SDK1: variants seen among roughly 807,000 people sequenced by gnomAD.
SDK1 encodes the protein sidekick cell adhesion molecule 1, also known as protein sidekick-1.
Under a neutral mutation model 245.5 loss-of-function variants are expected in SDK1, and 157 were observed. That is an observed-to-expected ratio of 0.64 (90% confidence interval 0.56 to 0.73). The LOEUF is 0.73. SDK1 is among the 30% of genes least tolerant of loss of function. The pLI is 0.00. For missense variants in SDK1, 3,583 were observed against 3,002.3 expected, an observed-to-expected ratio of 1.19 and a Z score of -4.52; for synonymous variants, 1,647 against 1,278.5, an observed-to-expected ratio of 1.29 and a Z score of -6.15.
At chr7:3,343,684 A>G (rs1395791453) in intron 1 of SDK1, among the ~76,000 whole-genome samples, 2 of 151,928 alleles carry the variant, frequency 1.3e-5, no homozygotes, top group African/African-American at 4.8e-5. Context: ...AGTATTTCTT[A>G]CAACTGCTTG....
chr7:3,499,648 C>T (rs548108120), intron 1 of SDK1, among the ~76,000 whole-genome samples: 1 of 152,060 alleles, frequency 6.6e-6, no homozygotes, highest in African/African-American at 2.4e-5. Flanking sequence ...ACTTGTATAC[C>T]CATCGCTGTG....
chr7:3,459,883 G>C (rs1780781552), intron 1 of SDK1, among the ~76,000 whole-genome samples: 1 of 152,158 alleles, frequency 6.6e-6, no homozygotes, highest in East Asian at 1.9e-4. Context: ...GGTAAGAGAA[G>C]GTATCTCTCG....
intron 16 of SDK1, among the ~76,000 whole-genome samples, chr7:4,014,729 A>AT (rs1302574387): frequency 6.6e-6 from 1 of 152,170 alleles, no homozygotes. Context: ...TCTCCTGTTT[A>AT]TTTTTGTATA....
intron 20 of SDK1, among the ~76,000 whole-genome samples, chr7:4,071,727 G>T (rs75567276): frequency 0.026 from 3,885 of 152,292 alleles, 81 homozygotes; most frequent in Admixed American, 0.053. Flanking sequence ...GACCCTTCAG[G>T]GACCAGTTCA....
At chr7:3,429,714 A>C (rs1320991756) in intron 1 of SDK1, among the ~76,000 whole-genome samples, 1 of 150,258 alleles carries the variant, frequency 6.7e-6, no homozygotes, top group African/African-American at 2.5e-5. Context: ...CTCCCGCCTC[A>C]GCCTCCTGAG....
chr7:3,534,027 T>C (rs1323837266), intron 1 of SDK1, among the ~76,000 whole-genome samples: 1 of 152,232 alleles, frequency 6.6e-6, no homozygotes, highest in Non-Finnish European at 1.5e-5. Flanking sequence ...TATTGCTTTA[T>C]TGGAACTTTT....
At chr7:3,488,650 C>T (rs1781775731) in intron 1 of SDK1, among the ~76,000 whole-genome samples, 1 of 152,066 alleles carries the variant, frequency 6.6e-6, no homozygotes, top group Non-Finnish European at 1.5e-5. Context: ...AATGAAAAAC[C>T]AACTGAAAAT....
chr7:3,458,051 G>A (rs1780723390), intron 1 of SDK1, among the ~76,000 whole-genome samples: 1 of 152,134 alleles, frequency 6.6e-6, no homozygotes, highest in Admixed American at 6.5e-5. Context: ...CTTGACAATG[G>A]AAGTGACACT....
chr7:3,352,210 A>G (rs1012652195), intron 1 of SDK1, among the ~76,000 whole-genome samples: 1 of 150,908 alleles, frequency 6.6e-6, no homozygotes, highest in Non-Finnish European at 1.5e-5. Flanking sequence ...CTTAAATACA[A>G]AATCACTGTA....
intron 1 of SDK1, among the ~76,000 whole-genome samples, chr7:3,584,064 C>A (rs756360921): frequency 1.4e-4 from 22 of 152,176 alleles, no homozygotes; most frequent in Non-Finnish European, 2.4e-4. Context: ...GAAGTTTGTA[C>A]AGCAGGGGAA....
chr7:3,694,251 G>A (rs985500306), intron 4 of SDK1, among the ~76,000 whole-genome samples: 2 of 152,180 alleles, frequency 1.3e-5, no homozygotes, highest in African/African-American at 2.4e-5. Flanking sequence ...TTTGAGATGT[G>A]AGAAAGGCGA....
chr7:3,304,526 T>C (rs1240753492), intron 1 of SDK1, among the ~76,000 whole-genome samples: 2 of 152,210 alleles, frequency 1.3e-5, no homozygotes, highest in African/African-American at 4.8e-5. Flanking sequence ...AGGATAGGAA[T>C]GTTCTTGTCC....
At chr7:3,953,458 G>A (rs754307116) in intron 7 of SDK1, among the ~76,000 whole-genome samples, 22 of 152,278 alleles carry the variant, frequency 1.4e-4, no homozygotes, top group Non-Finnish European at 1.3e-4. Context: ...CCATGCTTCC[G>A]CTACAGATGT....
intron 28 of SDK1, among the ~76,000 whole-genome samples, chr7:4,136,998 A>G (rs985530312): frequency 7.2e-5 from 11 of 152,222 alleles, no homozygotes; most frequent in Non-Finnish European, 1.5e-4. Flanking sequence ...CACCAACAGC[A>G]GCTGCAGAGA....
At chr7:4,114,659 G>A (rs1473462706) in intron 25 of SDK1, among the ~76,000 whole-genome samples, 3 of 152,224 alleles carry the variant, frequency 2.0e-5, no homozygotes, top group African/African-American at 7.2e-5. Flanking sequence ...AATCTAGCCT[G>A]TGGTAATAAA....
At chr7:4,092,051 G>A (rs1781840603) in intron 22 of SDK1, among the ~76,000 whole-genome samples, 1 of 152,190 alleles carries the variant, frequency 6.6e-6, no homozygotes, top group African/African-American at 2.4e-5. Context: ...TGGGATCACA[G>A]CGACAGGGCC....
chr7:3,762,429 AAAC>A (rs1562424663), intron 4 of SDK1, among the ~76,000 whole-genome samples: 1 of 152,258 alleles, frequency 6.6e-6, no homozygotes. Flanking sequence ...TAAAAGCAAA[AAAC>A]AACAACAAAA....
intron 1 of SDK1, among the ~76,000 whole-genome samples, chr7:3,576,982 G>A (rs189529516): frequency 2.0e-5 from 3 of 151,974 alleles, no homozygotes; most frequent in South Asian, 2.1e-4. Flanking sequence ...ACTTCACCAC[G>A]GTGGATGGAC....
rs944319294 is a variant in SDK1, at chr7:4,159,045, G to C, written c.4729+494G>C. ...GTGGCCCAGGCCTGTGGCGAGCCCAGGAGGCAGCTCTATCAGCCGCGTCCA... is the reference window on the plus strand; with the variant it reads ...GTGGCCCAGGCCTGTGGCGAGCCCACGAGGCAGCTCTATCAGCCGCGTCCA... On this transcript the variant is annotated intron_variant, in intron 31 of 44. Coordinates refer to ENST00000404826, the MANE Select transcript of SDK1 (RefSeq NM_152744.4). 7.2e-5 allele frequency among the ~76,000 whole-genome samples: 11 copies of C among 152,334 alleles called. No individual in the cohort carries two copies. In the East Asian group the frequency reaches 1.9e-3, roughly 27 times the overall value.
Sources: allele counts gnomAD v4.1 joint callset (sites outside exome capture counted in the v4.1 genomes callset), GRCh38; gene constraint gnomAD v4.1.1; transcripts MANE v1.5; gene names NCBI Gene and HGNC (gene_info 2026-07-23, HGNC 2026-07-21).